UPF2: variants seen among roughly 807,000 people sequenced by gnomAD.
The protein encoded by UPF2 is UPF2 regulator of nonsense mediated mRNA decay.
In UPF2, 17 loss-of-function variants were observed where a neutral mutation model predicts 141.4. The ratio of observed to expected loss-of-function variants is 0.12; its 90% CI spans 0.08 to 0.18. UPF2 has a LOEUF of 0.18. UPF2 is among the 10% of genes least tolerant of loss of function. UPF2 has a pLI of 1.00. For missense variants in UPF2, 1,152 were observed against 1,515.9 expected (o/e 0.76, Z 3.99); for synonymous variants, 540 against 498.0 (o/e 1.08, Z -1.12).
intron 1 of UPF2, among the ~76,000 whole-genome samples, chr10:12,037,105 A>G (rs960382585): frequency 5.9e-5 from 9 of 152,110 alleles, no homozygotes; most frequent in Admixed American, 3.9e-4. Context: ...TTCTTTTTGA[A>G]ACAGGGTCTC....
chr10:12,037,402 CTTTTTTTT>C lies in UPF2; in HGVS notation c.-18-1969_-18-1962del, dbSNP rs59226793. The stretch of plus-strand genomic sequence containing the variant: ...TTTGAGCTTTAGTGTTTTTGTTTTT[CTTTTTTTT>C]TTTTTTTTTGAGTCTCGCTCTGTTG... On this transcript the variant is annotated intron_variant, in intron 1 of 21. Coordinates refer to ENST00000357604, the MANE Select transcript of UPF2 (RefSeq NM_015542.4). 2.6e-4 allele frequency among the ~76,000 whole-genome samples: 32 copies of C among 122,286 alleles called. 1 individual carries two copies. The highest frequency in any genetic ancestry group is 8.4e-4 in the African/African-American group (27 of 32,224). 80.2% of individuals were successfully genotyped at this position (122,286 alleles called of 152,430 possible). A position where few individuals can be genotyped will look rare whatever the true frequency, so the allele number is the denominator to read the frequency against.
intron 12 of UPF2, among the ~76,000 whole-genome samples, chr10:11,957,516 T>C (rs576952291): frequency 2.8e-4 from 43 of 152,134 alleles, no homozygotes; most frequent in Middle Eastern, 3.4e-3. Flanking sequence ...TCTCACTTTC[T>C]TTCTTTCTTT....
chr10:11,927,770 G>T (rs1832730821), intron 21 of UPF2, among the ~76,000 whole-genome samples: 1 of 151,976 alleles, frequency 6.6e-6, no homozygotes, highest in Non-Finnish European at 1.5e-5. Context: ...GTCTTGACAA[G>T]CCAGTTTTCT....
At chr10:11,977,410 C>G (rs1242096269) in intron 9 of UPF2, among the ~76,000 whole-genome samples, 1 of 152,116 alleles carries the variant, frequency 6.6e-6, no homozygotes, top group Non-Finnish European at 1.5e-5. Flanking sequence ...TCCTGGAGTT[C>G]TGATATTCTT....
chr10:12,004,659 A>G lies in UPF2; in HGVS notation c.1375T>C (p.Trp459Arg). 1.2e-6 allele frequency: 2 copies of G among 1,613,888 alleles called. No individual in the cohort carries two copies. Among genetic ancestry groups the G allele is most frequent in the South Asian group, 2.2e-5 (2 of 91,074 alleles). Residue 459 changes from tryptophan to arginine, a missense_variant, in exon 5 of 22, where the codon TGG becomes CGG. By Grantham distance (101) the Trp-to-Arg change is moderately radical. Around this residue, in one of 4 missense-constraint regions of UPF2, gnomAD observed 739 missense variants for 1,032.2 expected, o/e 0.72. Coordinates refer to ENST00000357604, the MANE Select transcript of UPF2 (RefSeq NM_015542.4). The stretch of plus-strand genomic sequence containing the variant: ...AAATTCCGAGCATCTTCATCTTCCC[A>G]TATACCACCTTCCAAGTCATATTCT... ...PGEYDLEGGI[W>R]EDEDARNFYE... is the part of the protein sequence containing the mutation.
At chr10:12,000,468 A>G (rs1366035198) in intron 6 of UPF2, among the ~76,000 whole-genome samples, 1 of 152,144 alleles carries the variant, frequency 6.6e-6, no homozygotes, top group Non-Finnish European at 1.5e-5. Context: ...AGCAATATTG[A>G]CAGAAGGTAT....
chr10:12,042,437 AC>A lies in UPF2; in HGVS notation c.-19+317del, dbSNP rs1834752624. 6.7e-6 allele frequency among the ~76,000 whole-genome samples: 1 copy of A among 150,360 alleles called. No homozygotes were observed. Among genetic ancestry groups the A allele is most frequent in the African/African-American group, 2.4e-5 (1 of 40,820 alleles). On this transcript the variant is annotated intron_variant, in intron 1 of 21. Coordinates refer to ENST00000357604, the MANE Select transcript of UPF2 (RefSeq NM_015542.4). This position sits in a 1 kb window ranked among gnomAD's most constrained non-coding sequence, Gnocchi z 5.5. ...CTCGCTCTCCTCCACGCCCCCGAACACTTTCGCCCCTCCACCGCGGGCTCCC... is the reference window on the plus strand; with the variant it reads ...CTCGCTCTCCTCCACGCCCCCGAACATTTCGCCCCTCCACCGCGGGCTCCC...
chr10:12,012,924 A>G (rs1314627848), intron 4 of UPF2, among the ~76,000 whole-genome samples: 2 of 151,950 alleles, frequency 1.3e-5, no homozygotes, highest in Non-Finnish European at 2.9e-5. Flanking sequence ...GGACTGCTTG[A>G]GCTAAGGAGT....
At chr10:11,948,538 T>C in intron 15 of UPF2, 30 bp from the exon 16 acceptor site, 8 of 1,605,848 alleles carry the variant, frequency 5.0e-6, no homozygotes, top group Non-Finnish European at 6.8e-6. Context: ...AATGGAAAAA[T>C]ACATTAAAAA....
chr10:12,006,821 T>G (rs780200500), intron 4 of UPF2, among the ~76,000 whole-genome samples: 11 of 152,212 alleles, frequency 7.2e-5, no homozygotes, highest in Non-Finnish European at 1.3e-4. Flanking sequence ...CATAACAAGC[T>G]TTTTGATCCT....
intron 14 of UPF2, among the ~76,000 whole-genome samples, chr10:11,954,657 T>C (rs1305947656): frequency 6.8e-6 from 1 of 146,520 alleles, no homozygotes; most frequent in Non-Finnish European, 1.5e-5. Flanking sequence ...TATATATATA[T>C]ATATACATAT....
Position 11,921,438 on chromosome 10 carries a change from G to A in UPF2, c.3810-131C>T. 1 of 1,082,718 alleles carries A rather than the reference G, an allele frequency of 9.2e-7. No individual in the cohort carries two copies. The highest frequency in any genetic ancestry group is 1.4e-6 in the Non-Finnish European group (1 of 725,036). The allele number at this position is 1,082,718 out of a possible 1,614,324, so 67.1% of individuals were successfully genotyped here. On this transcript the variant is annotated intron_variant, in intron 21 of 21. Coordinates refer to ENST00000357604, the MANE Select transcript of UPF2 (RefSeq NM_015542.4). The surrounding 1 kb of genome is among the most constrained non-coding windows in gnomAD (Gnocchi z 5.9). ...GTTACAGGTGGCCCTGGCATCTGCG[G>A]GTTCCACATCCATGGACCAAAAATA...
chr10:11,947,524 A>G (rs11818295), intron 16 of UPF2, among the ~76,000 whole-genome samples: 9,690 of 152,214 alleles, frequency 0.064, 388 homozygotes, highest in Non-Finnish European at 0.092. Flanking sequence ...GCTCACACCC[A>G]TAATCCCAGC....
intron 10 of UPF2, among the ~76,000 whole-genome samples, chr10:11,966,310 T>C (rs988512552): frequency 2.0e-5 from 3 of 152,264 alleles, no homozygotes; most frequent in Admixed American, 6.5e-5. Flanking sequence ...ACTCTGTTAC[T>C]TGACAATTTT....
At chr10:11,950,021 T>C (rs552296691) in intron 15 of UPF2, among the ~76,000 whole-genome samples, 2 of 152,144 alleles carry the variant, frequency 1.3e-5, no homozygotes, top group South Asian at 2.1e-4. Flanking sequence ...TTTCATAATG[T>C]ATTAAGTAGA....
At chr10:12,031,172 T>C (rs1221141547) in intron 2 of UPF2, among the ~76,000 whole-genome samples, 2 of 78,398 alleles carry the variant, frequency 2.6e-5, no homozygotes, top group East Asian at 7.6e-4. Context: ...AGACTCCATC[T>C]CAAAAAAAAA....
intron 18 of UPF2, among the ~76,000 whole-genome samples, chr10:11,937,763 T>G (rs7895354): frequency 6.6e-6 from 1 of 151,866 alleles, no homozygotes; most frequent in Non-Finnish European, 1.5e-5. Flanking sequence ...TGATATAGGC[T>G]CCATATATTC....
chr10:11,996,519 A>C (rs1217230496), intron 8 of UPF2, among the ~76,000 whole-genome samples: 2 of 151,874 alleles, frequency 1.3e-5, no homozygotes, highest in Non-Finnish European at 2.9e-5. Flanking sequence ...CTAATTTTGT[A>C]TTTTAGTAGA....
At chr10:11,932,657 T>TA (rs1486178097) in intron 19 of UPF2, among the ~76,000 whole-genome samples, 3 of 152,206 alleles carry the variant, frequency 2.0e-5, no homozygotes, top group African/African-American at 7.2e-5. Context: ...GCAGAGCTGC[T>TA]AAGATACTAT....
Sources: allele counts gnomAD v4.1 joint callset (sites outside exome capture counted in the v4.1 genomes callset), GRCh38; gene constraint gnomAD v4.1.1; regional missense constraint gnomAD v4.1.1; non-coding constraint Gnocchi (gnomAD v3.1); transcripts MANE v1.5; gene names NCBI Gene and HGNC (gene_info 2026-07-23, HGNC 2026-07-21).